HNRNPUL1: variants seen among roughly 807,000 people sequenced by gnomAD.
HNRNPUL1 encodes the protein heterogeneous nuclear ribonucleoprotein U like 1.
HNRNPUL1 carries 14 observed loss-of-function variants against 108.5 expected under a neutral mutation model. That is an observed-to-expected ratio of 0.13 (90% CI 0.09 to 0.20). The LOEUF is 0.20. Among genes scored for constraint, HNRNPUL1 ranks in the 10% least tolerant of loss-of-function variants. The pLI, the probability that HNRNPUL1 is intolerant of heterozygous loss-of-function variation, is 1.00. For synonymous variants in HNRNPUL1, 422 were observed against 445.2 expected (o/e 0.95, Z 0.66); for missense variants, 804 against 1,168.3 (o/e 0.69, Z 4.55).
At position 41,264,462 on chromosome 19, in the gene HNRNPUL1, G is replaced by A. The variant is rs769110431; in HGVS notation, c.-42G>A. ...AGGTTTAAGGGGGACAGAGCCCTGG[G>A]AGGCCGGGCCGGGCTCGGGGGCCAC... On this transcript the variant is annotated 5_prime_UTR_variant, in exon 1 of 15. Transcript: ENST00000392006. 2 of 1,338,982 alleles carry A rather than the reference G, an allele frequency of 1.5e-6. No homozygotes were observed. Among genetic ancestry groups the A allele is most frequent in the Non-Finnish European group, 1.9e-6 (2 of 1,043,720 alleles). 82.9% of individuals were successfully genotyped at this position (1,338,982 alleles called of 1,614,324 possible).
chr19:41,305,518 G>C, intron 13 of HNRNPUL1, 158 bp from the exon 14 acceptor site: 2 of 866,388 alleles, frequency 2.3e-6, no homozygotes, highest in Non-Finnish European at 3.6e-6. Context: ...CATGGAGCTG[G>C]CTCTCCTCCT....
intron 2 of HNRNPUL1, among the ~76,000 whole-genome samples, chr19:41,270,551 C>T (rs1164958034): frequency 1.3e-5 from 2 of 148,216 alleles, no homozygotes; most frequent in Non-Finnish European, 3.0e-5. Context: ...AAGTATATGT[C>T]TTTACAGAAC....
At chr19:41,296,689 T>G (rs1042319215) in intron 10 of HNRNPUL1, among the ~76,000 whole-genome samples, 1 of 152,228 alleles carries the variant, frequency 6.6e-6, no homozygotes, top group Non-Finnish European at 1.5e-5. Context: ...TGGCCAATCC[T>G]GGCACTTCCA....
Position 41,268,419 on chromosome 19 carries a change from G to A in HNRNPUL1, c.418+74G>A, listed in dbSNP as rs946159406. On this transcript the variant is annotated intron_variant, in intron 2 of 14. Coordinates refer to ENST00000392006, the MANE Select transcript of HNRNPUL1 (RefSeq NM_007040.6). Reference sequence around the variant, plus strand: ...GGAGCCTTTACCCCCTGCTTAGAGCGGGTCTTCCCAGAGAAACTGTGCATC... The same window carrying A: ...GGAGCCTTTACCCCCTGCTTAGAGCAGGTCTTCCCAGAGAAACTGTGCATC... 7 of 1,485,622 alleles carry A rather than the reference G, an allele frequency of 4.7e-6. No homozygotes were observed. The South Asian group carries it at 7.8e-5, about 17-fold the overall frequency. 92.0% of individuals were successfully genotyped at this position (1,485,622 alleles called of 1,614,324 possible). A position where few individuals can be genotyped will look rare whatever the true frequency, so the allele number is the denominator to read the frequency against.
At chr19:41,302,210 CTCTGTT>C (rs2037252664) in intron 11 of HNRNPUL1, among the ~76,000 whole-genome samples, 1 of 128,108 alleles carries the variant, frequency 7.8e-6, no homozygotes, top group African/African-American at 3.1e-5. Flanking sequence ...TTCTCTCTCT[CTCTGTT>C]TTTTTTTTTT....
At chr19:41,302,508 C>T (rs761810388) in intron 11 of HNRNPUL1, 157 bp from the exon 12 acceptor site, 42 of 951,004 alleles carry the variant, frequency 4.4e-5, no homozygotes, top group Non-Finnish European at 5.8e-5. Context: ...CGTGAGCCAC[C>T]GCGCCCGCCC....
At chr19:41,277,593 G>A (rs1413880629) in intron 5 of HNRNPUL1, among the ~76,000 whole-genome samples, 1 of 152,132 alleles carries the variant, frequency 6.6e-6, no homozygotes, top group Non-Finnish European at 1.5e-5. Flanking sequence ...TGCAACCTCT[G>A]CCTCCCGGGT....
Position 41,294,094 on chromosome 19 carries a change from T to C in HNRNPUL1, c.1267-244T>C, listed in dbSNP as rs957530078. Among the ~76,000 whole-genome samples the C allele has an allele frequency of 6.6e-6, 1 of 152,088 alleles. No individual in the cohort carries two copies. The highest frequency in any genetic ancestry group is 1.5e-5 in the Non-Finnish European group (1 of 68,024). On this transcript the variant is annotated intron_variant, in intron 8 of 14. Transcript: ENST00000392006. This position sits in a 1 kb window ranked among gnomAD's most constrained non-coding sequence, Gnocchi z 4.3. The stretch of plus-strand genomic sequence containing the variant: ...CCCGAAAGTCCTGGGATTATAGGCG[T>C]GAGCTACCGTGCCTGGCCAGCACTT...
chr19:41,271,068 G>T (rs1259624523), intron 2 of HNRNPUL1, among the ~76,000 whole-genome samples: 1 of 152,096 alleles, frequency 6.6e-6, no homozygotes, highest in Non-Finnish European at 1.5e-5. Flanking sequence ...GATGGAGCCC[G>T]GACTGACCCC....
At chr19:41,276,082 A>G in intron 4 of HNRNPUL1, 77 bp from the exon 5 acceptor site, 1 of 1,593,000 alleles carries the variant, frequency 6.3e-7, no homozygotes, top group East Asian at 2.2e-5. Context: ...CAGCCTGGGC[A>G]AAAAGAGTGA....
chr19:41,287,591 G>A (rs1401373053), intron 7 of HNRNPUL1, among the ~76,000 whole-genome samples: 2 of 151,828 alleles, frequency 1.3e-5, no homozygotes, highest in African/African-American at 2.4e-5. Flanking sequence ...ACAGAGTTTC[G>A]CTCTGTCACC....
Position 41,294,486 on chromosome 19 carries a change from T to C in HNRNPUL1, c.1389+26T>C, listed in dbSNP as rs1308039446. On this transcript the variant is annotated intron_variant, in intron 9 of 14. Transcript: ENST00000392006. The surrounding 1 kb of genome is among the most constrained non-coding windows in gnomAD (Gnocchi z 4.3). ...GTAAGGCCAGCCACTGGACTCTCCT[T>C]ACTCACCTCCAACCTACTGAGTGCT... 2 of 1,614,112 alleles carry C rather than the reference T, an allele frequency of 1.2e-6. No homozygotes were observed. Among genetic ancestry groups the C allele is most frequent in the Non-Finnish European group, 1.7e-6 (2 of 1,179,996 alleles).
chr19:41,270,888 C>T (rs1439741458), intron 2 of HNRNPUL1, among the ~76,000 whole-genome samples: 1 of 152,174 alleles, frequency 6.6e-6, no homozygotes, highest in Non-Finnish European at 1.5e-5. Context: ...AGCCACTGCG[C>T]CTGGCCTCTC....
chr19:41,282,123 G>T (rs2122656519), intron 7 of HNRNPUL1, among the ~76,000 whole-genome samples: 1 of 152,264 alleles, frequency 6.6e-6, no homozygotes, highest in Middle Eastern at 3.4e-3. Context: ...ATCCTCTGAA[G>T]CTTATTCTTT....
At chr19:41,296,302 A>C (rs2036891706) in intron 10 of HNRNPUL1, among the ~76,000 whole-genome samples, 2 of 152,298 alleles carry the variant, frequency 1.3e-5, no homozygotes, top group South Asian at 4.1e-4. Flanking sequence ...CTGAAGACCT[A>C]CTGTCAGCCT....
At chr19:41,284,889 G>T (rs181693441) in intron 7 of HNRNPUL1, among the ~76,000 whole-genome samples, 3 of 151,890 alleles carry the variant, frequency 2.0e-5, no homozygotes, top group Non-Finnish European at 2.9e-5. Flanking sequence ...CCAGCTACTC[G>T]GGAGGCTGAG....
At chr19:41,283,892 C>G (rs565769522) in intron 7 of HNRNPUL1, among the ~76,000 whole-genome samples, 30 of 152,332 alleles carry the variant, frequency 2.0e-4, no homozygotes, top group African/African-American at 6.7e-4. Context: ...CAAGCCCAGC[C>G]AACTGCATAA....
chr19:41,304,565 C>G (rs1174723870), intron 13 of HNRNPUL1, among the ~76,000 whole-genome samples: 7 of 152,232 alleles, frequency 4.6e-5, no homozygotes, highest in Non-Finnish European at 2.9e-5. Context: ...TTATTCTTGG[C>G]TAGTGTCACT....
At chr19:41,305,941 T>G in intron 14 of HNRNPUL1, 74 bp downstream of exon 14, 2 of 1,032,590 alleles carry the variant, frequency 1.9e-6, no homozygotes, top group Non-Finnish European at 2.9e-6. Flanking sequence ...TTCCCAGACT[T>G]AAGTCCCTGC....
Sources: allele counts gnomAD v4.1 joint callset (sites outside exome capture counted in the v4.1 genomes callset), GRCh38; gene constraint gnomAD v4.1.1; non-coding constraint Gnocchi (gnomAD v3.1); transcripts MANE v1.5; gene names NCBI Gene and HGNC (gene_info 2026-07-23, HGNC 2026-07-21).